Variants in CAMTA1 observed in about 807,000 individuals in gnomAD.
CAMTA1 encodes the protein calmodulin-binding transcription activator 1.
In CAMTA1, 27 loss-of-function variants were observed where a neutral mutation model predicts 170.9. The observed-to-expected ratio is 0.16, with a 90% CI of 0.12 to 0.22. The LOEUF is 0.22. Among genes scored for constraint, CAMTA1 ranks in the 10% least tolerant of loss-of-function variants. The pLI is 1.00. For missense variants in CAMTA1, 1,619 were observed against 2,217.2 expected (o/e 0.73, Z 5.42); for synonymous variants, 833 against 891.5 (o/e 0.93, Z 1.17).
At position 7,732,452 on chromosome 1, in the gene CAMTA1, C is replaced by T. The variant is rs371450903; in HGVS notation, c.2919C>T (p.Asn973=). 24 of 1,613,556 alleles carry T rather than the reference C, an allele frequency of 1.5e-5. No homozygotes were observed. The highest frequency in any genetic ancestry group is 1.7e-4 in the Middle Eastern group (1 of 5,980). The change falls in exon 12 of 23, where the codon AAC becomes AAT. Residue 973 remains asparagine, a synonymous_variant. Coordinates refer to ENST00000303635, the MANE Select transcript of CAMTA1 (RefSeq NM_015215.4). This position sits in a 1 kb window ranked among gnomAD's most constrained non-coding sequence, Gnocchi z 4.1. Reference sequence around the variant, plus strand: ...CTTCCTCCTGCTCTGCCCTAGATAACCAGTTCAGGATGTCCATCCTGGAAC... The same window carrying T: ...CTTCCTCCTGCTCTGCCCTAGATAATCAGTTCAGGATGTCCATCCTGGAAC... ...SQHDWLSLDD[N]QFRMSILERL... is the part of the protein sequence containing the mutation.
chr1:6,996,350 A>G (rs1216211835), intron 3 of CAMTA1, among the ~76,000 whole-genome samples: 1 of 152,174 alleles, frequency 6.6e-6, no homozygotes, highest in African/African-American at 2.4e-5. Flanking sequence ...GTTTTAGCAG[A>G]TACTTCGCTG....
In CAMTA1 at chr1:7,182,191, A is replaced by G. The variant is rs1652311327; in HGVS notation, c.303-67300A>G. ...AAAATTAATGCATAAGTTCCAGTAT[A>G]CACAAGAAAAACTCCAAATGGATTG... On this transcript the variant is annotated intron_variant, in intron 4 of 22. Transcript: ENST00000303635. Among the ~76,000 whole-genome samples, 3 of 152,154 alleles carry G rather than the reference A, an allele frequency of 2.0e-5. No individual in the cohort carries two copies. The South Asian group carries it at 6.2e-4, about 31-fold the overall frequency.
intron 3 of CAMTA1, among the ~76,000 whole-genome samples, chr1:6,873,545 G>A (rs1011706004): frequency 2.0e-5 from 3 of 152,162 alleles, no homozygotes; most frequent in African/African-American, 7.2e-5. Context: ...TGTTGGAATC[G>A]GCTCCCCTGG....
chr1:7,423,334 G>T (rs973037680), intron 5 of CAMTA1, among the ~76,000 whole-genome samples: 4 of 152,264 alleles, frequency 2.6e-5, no homozygotes, highest in Non-Finnish European at 5.9e-5. Flanking sequence ...GCAGGGCTTG[G>T]TGGTGGGTGC....
At position 7,617,150 on chromosome 1, in the gene CAMTA1, C is replaced by G. The variant is rs2150733562; in HGVS notation, c.511-23250C>G. Among the ~76,000 whole-genome samples the G allele has an allele frequency of 1.3e-5, 2 of 152,298 alleles. 1 individual carries two copies. Among genetic ancestry groups the G allele is most frequent in the South Asian group, 4.1e-4 (2 of 4,824 alleles). ...GCCACGGGATGCCTGGTGGCCTTGA[C>G]CTTCACTTCCAGCCAAGCGGCTGCT... is the stretch of plus-strand genomic sequence containing the variant. On this transcript the variant is annotated intron_variant, in intron 6 of 22. Transcript: ENST00000303635.
At chr1:6,833,379 A>C (rs1156748269) in intron 3 of CAMTA1, among the ~76,000 whole-genome samples, 2 of 152,222 alleles carry the variant, frequency 1.3e-5, no homozygotes, top group African/African-American at 4.8e-5. Context: ...TAATTCTTGG[A>C]GTTCTTTTGC....
intron 4 of CAMTA1, among the ~76,000 whole-genome samples, chr1:7,186,765 T>C (rs1435691189): frequency 6.6e-6 from 1 of 152,208 alleles, no homozygotes; most frequent in Non-Finnish European, 1.5e-5. Flanking sequence ...GCACTATTCC[T>C]TGCAATAAGC....
In CAMTA1 at chr1:7,747,925, T is replaced by A. The variant is rs576141531; in HGVS notation, c.4689+144T>A. On this transcript the variant is annotated intron_variant, in intron 19 of 22. Coordinates refer to ENST00000303635, the MANE Select transcript of CAMTA1 (RefSeq NM_015215.4). Reference sequence around the variant, plus strand: ...TTGGTTGTTTTTTTTTTTTTATTTTTTTTTTGAAACGGAGTCTGGCTGTGT... The same window carrying A: ...TTGGTTGTTTTTTTTTTTTTATTTTATTTTTGAAACGGAGTCTGGCTGTGT... 1.7e-4 allele frequency: 95 copies of A among 563,748 alleles called. 1 individual carries two copies. The highest frequency in any genetic ancestry group is 8.4e-4 in the South Asian group (34 of 40,416). The allele number at this position is 563,748 out of a possible 1,614,324, so 34.9% of individuals were successfully genotyped here. A position where few individuals can be genotyped will look rare whatever the true frequency, so the allele number is the denominator to read the frequency against.
rs1406846714 is a variant in CAMTA1, at chr1:7,116,893, C to G, written c.302+25522C>G. On this transcript the variant is annotated intron_variant, in intron 4 of 22. Coordinates refer to ENST00000303635, the MANE Select transcript of CAMTA1 (RefSeq NM_015215.4). ...GGTCTCGATCTCCTGACCTCGTGAT[C>G]CACCCGCCTCGGCCTCCCAAAGTGC... Among the ~76,000 whole-genome samples the G allele has an allele frequency of 2.0e-5, 3 of 151,874 alleles. No homozygotes were observed. The South Asian group carries it at 6.2e-4, about 32-fold the overall frequency.
chr1:7,549,437 A>T (rs979743650), intron 6 of CAMTA1, among the ~76,000 whole-genome samples: 6 of 152,032 alleles, frequency 3.9e-5, no homozygotes, highest in African/African-American at 1.5e-4. Context: ...CCTCATCCTT[A>T]TTCCCCCGAT....
intron 9 of CAMTA1, among the ~76,000 whole-genome samples, chr1:7,666,430 C>T (rs2096002527): frequency 1.3e-5 from 2 of 152,198 alleles, no homozygotes. Flanking sequence ...GGGGATCTGA[C>T]TTTGAGAACC....
At chr1:7,017,635 C>G (rs1255268457) in intron 3 of CAMTA1, among the ~76,000 whole-genome samples, 1 of 152,186 alleles carries the variant, frequency 6.6e-6, no homozygotes, top group African/African-American at 2.4e-5. Flanking sequence ...TATCATGGCC[C>G]TGTCTCATTT....
At chr1:7,386,350 G>A (rs1279321856) in intron 5 of CAMTA1, among the ~76,000 whole-genome samples, 1 of 152,220 alleles carries the variant, frequency 6.6e-6, no homozygotes, top group African/African-American at 2.4e-5. Context: ...TGTACAGCGA[G>A]AGAGAGATGC....
At chr1:7,356,515 C>T (rs969805056) in intron 5 of CAMTA1, among the ~76,000 whole-genome samples, 1 of 152,182 alleles carries the variant, frequency 6.6e-6, no homozygotes. Flanking sequence ...CAGGTGGAGC[C>T]TACAGATGGT....
At chr1:7,661,388 C>T (rs115100289) in intron 7 of CAMTA1, among the ~76,000 whole-genome samples, 2,957 of 152,334 alleles carry the variant, frequency 0.019, 39 homozygotes, top group Middle Eastern at 0.061. Flanking sequence ...TGTCCTTGTT[C>T]CCTTTCTCTT....
rs1422834377 is a variant in CAMTA1 at position 7,455,996 on chromosome 1, C to T, written c.439-11834C>T. Reference sequence around the variant, plus strand: ...GGCTCAGGGTCCCACCGTTGGTCATCCCTGAGGCTGAAATACACAACACCC... The same window carrying T: ...GGCTCAGGGTCCCACCGTTGGTCATTCCTGAGGCTGAAATACACAACACCC... On this transcript the variant is annotated intron_variant, in intron 5 of 22. Transcript: ENST00000303635. The surrounding 1 kb of genome is among the most constrained non-coding windows in gnomAD (Gnocchi z 5.0). 1.3e-5 allele frequency among the ~76,000 whole-genome samples: 2 copies of T among 152,204 alleles called. No individual in the cohort carries two copies. The highest frequency in any genetic ancestry group is 2.9e-5 in the Non-Finnish European group (2 of 68,040).
intron 5 of CAMTA1, among the ~76,000 whole-genome samples, chr1:7,437,672 A>T (rs1345245514): frequency 1.3e-5 from 2 of 151,690 alleles, no homozygotes; most frequent in Non-Finnish European, 2.9e-5. Flanking sequence ...AAGGGAAGAG[A>T]CCCCTCCCCT....
At chr1:7,029,981 T>C (rs76333250) in intron 3 of CAMTA1, among the ~76,000 whole-genome samples, 2,888 of 152,344 alleles carry the variant, frequency 0.019, 86 homozygotes, top group African/African-American at 0.066. Context: ...CATATCTGCT[T>C]CTGCCTTCAG....
intron 6 of CAMTA1, among the ~76,000 whole-genome samples, chr1:7,567,874 C>T (rs1043731961): frequency 6.6e-6 from 1 of 152,184 alleles, no homozygotes; most frequent in Non-Finnish European, 1.5e-5. Flanking sequence ...TGGGCTCTGC[C>T]ACTGTTAACC....
Sources: gnomAD v4.1 joint callset for allele counts (sites outside exome capture counted in the v4.1 genomes callset) on GRCh38, gnomAD v4.1.1 for gene constraint, Gnocchi (gnomAD v3.1) non-coding constraint, MANE v1.5 for transcripts, NCBI Gene and HGNC (gene_info 2026-07-23, HGNC 2026-07-21) for gene names.